Variants in KIRREL3 observed in about 807,000 individuals in gnomAD.
KIRREL3 encodes the protein kirre like nephrin family adhesion molecule 3.
Under a neutral mutation model 89.7 loss-of-function variants are expected in KIRREL3, and 36 were observed. The ratio of observed to expected loss-of-function variants is 0.40; its 90% confidence interval spans 0.31 to 0.53. KIRREL3 has a LOEUF of 0.53. Among genes scored for constraint, KIRREL3 ranks in the 20% least tolerant of loss-of-function variants. The pLI is 0.49. For synonymous variants in KIRREL3, 445 were observed against 441.4 expected, an observed-to-expected ratio of 1.01 and a Z score of -0.10; for missense variants, 864 against 1,056.6, an observed-to-expected ratio of 0.82 and a Z score of 2.53.
chr11:126,982,961 G>A (rs1949758538), intron 1 of KIRREL3, among the ~76,000 whole-genome samples: 1 of 152,282 alleles, frequency 6.6e-6, no homozygotes, highest in South Asian at 2.1e-4. Context: ...TTTAACTACA[G>A]CATCTAATAG....
At chr11:126,942,333 GTCA>G (rs908803200) in intron 1 of KIRREL3, among the ~76,000 whole-genome samples, 3 of 151,902 alleles carry the variant, frequency 2.0e-5, no homozygotes, top group African/African-American at 7.3e-5. Context: ...TTAACATGAT[GTCA>G]TCATCATCAT....
chr11:126,702,644 C>G (rs1478151699), intron 1 of KIRREL3, among the ~76,000 whole-genome samples: 2 of 152,230 alleles, frequency 1.3e-5, no homozygotes, highest in Non-Finnish European at 2.9e-5. Context: ...GAATGGAAAA[C>G]ACTTGCACTC....
At chr11:126,625,766 C>A (rs1943759355) in intron 1 of KIRREL3, among the ~76,000 whole-genome samples, 1 of 152,194 alleles carries the variant, frequency 6.6e-6, no homozygotes, top group African/African-American at 2.4e-5. Flanking sequence ...AAAACCTCAG[C>A]CCATTCTTCA....
chr11:126,431,665 G>A lies in KIRREL3; in HGVS notation c.1589-139C>T. ...AAATGCCTCAGTGGGGCCTGGGCAG[G>A]CACAGGCCGAGTCCAACTGGGGTCA... On this transcript the variant is annotated intron_variant, in intron 13 of 16. Coordinates refer to ENST00000525144, the MANE Select transcript of KIRREL3 (RefSeq NM_032531.4). The surrounding 1 kb of genome is among the most constrained non-coding windows in gnomAD (Gnocchi z 7.1). The A allele has an allele frequency of 1.2e-6, 1 of 834,862 alleles. No individual in the cohort carries two copies. The highest frequency in any genetic ancestry group is 1.9e-6 in the Non-Finnish European group (1 of 529,450). The allele number at this position is 834,862 out of a possible 1,614,324, so 51.7% of individuals were successfully genotyped here.
chr11:126,526,778 C>A lies in KIRREL3; in HGVS notation c.134-91G>T. ...AGCTATGGAAGCAGAGCAGGGCTGG[C>A]GCAGGAGACTGAGCCTCCTGAAGCA... On this transcript the variant is annotated intron_variant, in intron 2 of 16. Transcript: ENST00000525144. This position sits in a 1 kb window ranked among gnomAD's most constrained non-coding sequence, Gnocchi z 5.7. The A allele has an allele frequency of 7.1e-7, 1 of 1,401,494 alleles. No individual in the cohort carries two copies. The highest frequency in any genetic ancestry group is 9.7e-7 in the Non-Finnish European group (1 of 1,027,284). 86.8% of individuals were successfully genotyped at this position (1,401,494 alleles called of 1,614,324 possible). A position where few individuals can be genotyped will look rare whatever the true frequency, so the allele number is the denominator to read the frequency against.
chr11:126,823,544 A>G (rs1194024172), intron 1 of KIRREL3, among the ~76,000 whole-genome samples: 2 of 152,124 alleles, frequency 1.3e-5, no homozygotes, highest in East Asian at 3.9e-4. Flanking sequence ...AGCTCCTCAG[A>G]GAGCAGAATC....
chr11:126,707,527 C>T (rs1298819124), intron 1 of KIRREL3, among the ~76,000 whole-genome samples: 1 of 152,170 alleles, frequency 6.6e-6, no homozygotes, highest in Admixed American at 6.5e-5. Flanking sequence ...TGTCTATACT[C>T]TATGTCAGTC....
chr11:126,854,704 CA>C (rs1944453033), intron 1 of KIRREL3, among the ~76,000 whole-genome samples: 1 of 152,176 alleles, frequency 6.6e-6, no homozygotes. Flanking sequence ...ACATCTGTTT[CA>C]ATCTCTGTTT....
intron 4 of KIRREL3, among the ~76,000 whole-genome samples, chr11:126,505,130 C>T (rs1209968380): frequency 6.6e-6 from 1 of 152,216 alleles, no homozygotes; most frequent in Non-Finnish European, 1.5e-5. Context: ...CATTTCTATT[C>T]AGCATTGTAC....
chr11:126,829,888 G>A (rs1275331122), intron 1 of KIRREL3, among the ~76,000 whole-genome samples: 1 of 152,178 alleles, frequency 6.6e-6, no homozygotes, highest in African/African-American at 2.4e-5. Flanking sequence ...TCAGAAGACT[G>A]GATTTGCCAA....
intron 1 of KIRREL3, among the ~76,000 whole-genome samples, chr11:126,834,009 G>A (rs1943696121): frequency 6.6e-6 from 1 of 152,162 alleles, no homozygotes; most frequent in South Asian, 2.1e-4. Flanking sequence ...CAAATGCATT[G>A]ACCCAAATGT....
chr11:126,602,442 C>G (rs899487681), intron 1 of KIRREL3, among the ~76,000 whole-genome samples: 1 of 152,208 alleles, frequency 6.6e-6, no homozygotes, highest in Non-Finnish European at 1.5e-5. Context: ...GTCGTTTATG[C>G]AAGTCTATAT....
chr11:126,954,061 C>T lies in KIRREL3; in HGVS notation c.55+46394G>A, dbSNP rs1426735331. Reference sequence around the variant, plus strand: ...GCACATGCGTGTGCATGTGTACATGCGGGGTCTAATTCTCCCCAGGGTCGG... The same window carrying T: ...GCACATGCGTGTGCATGTGTACATGTGGGGTCTAATTCTCCCCAGGGTCGG... On this transcript the variant is annotated intron_variant, in intron 1 of 16. Coordinates refer to ENST00000525144, the MANE Select transcript of KIRREL3 (RefSeq NM_032531.4). This position sits in a 1 kb window ranked among gnomAD's most constrained non-coding sequence, Gnocchi z 4.1. 1.3e-5 allele frequency among the ~76,000 whole-genome samples: 2 copies of T among 151,890 alleles called. No homozygotes were observed. Among genetic ancestry groups the T allele is most frequent in the African/African-American group, 2.4e-5 (1 of 41,346 alleles).
rs897033295 is a variant in KIRREL3, at chr11:126,611,608, G to A, written c.56-48696C>T. On this transcript the variant is annotated intron_variant, in intron 1 of 16. Coordinates refer to ENST00000525144, the MANE Select transcript of KIRREL3 (RefSeq NM_032531.4). This position sits in a 1 kb window ranked among gnomAD's most constrained non-coding sequence, Gnocchi z 4.7. The stretch of plus-strand genomic sequence containing the variant: ...GGGCAATGGCCTGCAGAGTCCAAAG[G>A]TGGCTGTCATGTCATTTGTCCACGT... Among the ~76,000 whole-genome samples the A allele has an allele frequency of 1.3e-5, 2 of 152,128 alleles. No homozygotes were observed. Among genetic ancestry groups the A allele is most frequent in the African/African-American group, 4.8e-5 (2 of 41,434 alleles).
At chr11:126,899,094 A>G (rs536081406) in intron 1 of KIRREL3, among the ~76,000 whole-genome samples, 204 of 152,226 alleles carry the variant, frequency 1.3e-3, no homozygotes, top group Middle Eastern at 6.8e-3. Flanking sequence ...TAGAGAGTCA[A>G]TTACAAACTA....
At chr11:126,735,161 A>G (rs966147739) in intron 1 of KIRREL3, among the ~76,000 whole-genome samples, 18 of 152,152 alleles carry the variant, frequency 1.2e-4, no homozygotes, top group African/African-American at 2.4e-5. Context: ...GGGGCCTTTG[A>G]TGACACCTTT....
intron 1 of KIRREL3, among the ~76,000 whole-genome samples, chr11:126,650,053 A>G (rs1944849444): frequency 6.6e-6 from 1 of 152,216 alleles, no homozygotes; most frequent in Admixed American, 6.5e-5. Context: ...CTTGCACCCC[A>G]TGAAGCCATG....
Position 126,610,505 on chromosome 11 carries a change from G to A in KIRREL3, c.56-47593C>T, listed in dbSNP as rs1413808468. 1.3e-5 allele frequency among the ~76,000 whole-genome samples: 2 copies of A among 152,234 alleles called. No homozygotes were observed. Among genetic ancestry groups the A allele is most frequent in the Non-Finnish European group, 2.9e-5 (2 of 68,046 alleles). On this transcript the variant is annotated intron_variant, in intron 1 of 16. Coordinates refer to ENST00000525144, the MANE Select transcript of KIRREL3 (RefSeq NM_032531.4). The surrounding 1 kb of genome is among the most constrained non-coding windows in gnomAD (Gnocchi z 4.6). ...ATGATAGACTAACCTGGCCCAGCCT[G>A]CAACCTCATGGGAATGTGGGATAAT...
intron 4 of KIRREL3, among the ~76,000 whole-genome samples, chr11:126,510,113 G>T (rs1958166986): frequency 6.6e-6 from 1 of 151,976 alleles, no homozygotes; most frequent in Non-Finnish European, 1.5e-5. Flanking sequence ...GAAATTGTCT[G>T]GGCAGAGCCT....
Sources: gnomAD v4.1 joint callset for allele counts (sites outside exome capture counted in the v4.1 genomes callset) on GRCh38, gnomAD v4.1.1 for gene constraint, Gnocchi (gnomAD v3.1) non-coding constraint, MANE v1.5 for transcripts, NCBI Gene and HGNC (gene_info 2026-07-23, HGNC 2026-07-21) for gene names.